Variants in DCK observed in about 807,000 individuals in gnomAD.
DCK encodes the protein deoxyadenosine kinase.
DCK carries 23 observed loss-of-function variants against 38.3 expected under a neutral mutation model. That is an observed-to-expected ratio of 0.60 (90% CI 0.43 to 0.85). The LOEUF (loss-of-function observed/expected upper bound fraction) is 0.85, where lower values mean the gene tolerates loss of function less well. Among genes scored for constraint, DCK ranks in the 40% least tolerant of loss-of-function variants. The pLI, the probability that DCK is intolerant of heterozygous loss-of-function variation, is 0.00. For synonymous variants in DCK, 108 were observed against 100.6 expected (o/e 1.07, Z -0.44); for missense variants, 259 against 304.4 (o/e 0.85, Z 1.11).
intron 6 of DCK, among the ~76,000 whole-genome samples, chr4:71,028,465 G>T (rs1740595108): frequency 6.6e-6 from 1 of 152,156 alleles, no homozygotes; most frequent in Non-Finnish European, 1.5e-5. Flanking sequence ...ATGATGGTGT[G>T]CACCTAGCCA....
intron 2 of DCK, among the ~76,000 whole-genome samples, chr4:71,013,344 T>C (rs1740153021): frequency 6.6e-6 from 1 of 152,186 alleles, no homozygotes; most frequent in African/African-American, 2.4e-5. Context: ...TTCAGGATAT[T>C]ATCCAGGAGA....
intron 4 of DCK, among the ~76,000 whole-genome samples, chr4:71,025,540 A>AT (rs1303411351): frequency 6.6e-6 from 1 of 152,006 alleles, no homozygotes; most frequent in Non-Finnish European, 1.5e-5. Context: ...TAGATGTTTA[A>AT]TTTTTTTCTC....
At chr4:70,998,851 C>T (rs1739720650) in intron 2 of DCK, among the ~76,000 whole-genome samples, 1 of 151,056 alleles carries the variant, frequency 6.6e-6, no homozygotes, top group South Asian at 2.1e-4. Context: ...TGAACCCAGG[C>T]AGCGGAGGTT....
intron 2 of DCK, 47 bp downstream of exon 2, chr4:70,998,229 A>T: frequency 2.3e-6 from 2 of 884,196 alleles, no homozygotes; most frequent in Non-Finnish European, 3.7e-6. Flanking sequence ...GGTTTAGAGG[A>T]GCAGTAGTAC....
rs561495003 is a variant in DCK, at chr4:71,021,738, A to G, written c.208-629A>G. 5.3e-5 allele frequency among the ~76,000 whole-genome samples: 8 copies of G among 152,264 alleles called. No homozygotes were observed. The South Asian group carries it at 1.7e-3, about 32-fold the overall frequency. ...CTGCTTGGTTTTTTCATTTTTAAAA[A>G]GAAGACGTAATCCCTGCACTTTGGG... is the stretch of plus-strand genomic sequence containing the variant. On this transcript the variant is annotated intron_variant, in intron 2 of 6. Transcript: ENST00000286648.
At chr4:71,028,533 A>G in intron 6 of DCK, 1 of 369,966 alleles carries the variant, frequency 2.7e-6, no homozygotes, top group Non-Finnish European at 5.3e-6. Context: ...TGGGTGACAG[A>G]GCAATAAATA....
intron 6 of DCK, among the ~76,000 whole-genome samples, 172 bp from the exon 7 acceptor site, chr4:71,029,180 C>T (rs999488899): frequency 2.6e-5 from 4 of 152,186 alleles, no homozygotes; most frequent in African/African-American, 9.6e-5. Flanking sequence ...AGGCATGAGC[C>T]GCTGCGCCCG....
chr4:70,999,918 A>G (rs956166499), intron 2 of DCK, among the ~76,000 whole-genome samples: 3 of 151,970 alleles, frequency 2.0e-5, no homozygotes. Flanking sequence ...GATTTTGGAT[A>G]TTAGCCCTTT....
chr4:71,013,427 C>T (rs1314795603), intron 2 of DCK, among the ~76,000 whole-genome samples: 2 of 152,158 alleles, frequency 1.3e-5, no homozygotes, highest in South Asian at 2.1e-4. Flanking sequence ...AGATACTCCT[C>T]GAGAAGAGCA....
In DCK at chr4:71,030,671, C is replaced by G. The variant is rs1038546171; in HGVS notation, c.*1293C>G. 1 of 151,822 alleles carries G rather than the reference C, an allele frequency of 6.6e-6. No homozygotes were observed. The highest frequency in any genetic ancestry group is 2.4e-5 in the African/African-American group (1 of 41,264). The allele number at this position is 151,822 out of a possible 1,614,324, so 9.4% of individuals were successfully genotyped here. The stretch of plus-strand genomic sequence containing the variant: ...TTATGAACTACAGTGGAGCTACACT[C>G]ATTGAAATGTAATTTCAGTTCTAAA... On this transcript the variant is annotated 3_prime_UTR_variant, in exon 7 of 7. Coordinates refer to ENST00000286648, the MANE Select transcript of DCK (RefSeq NM_000788.3).
At chr4:71,023,425 C>T in intron 3 of DCK, 134 bp from the exon 4 acceptor site, 1 of 600,642 alleles carries the variant, frequency 1.7e-6, no homozygotes, top group African/African-American at 1.9e-5. Flanking sequence ...TGGAAAGACT[C>T]TTGTCTTTTT....
chr4:71,002,071 G>C (rs368671214), intron 2 of DCK, among the ~76,000 whole-genome samples: 5 of 151,934 alleles, frequency 3.3e-5, no homozygotes, highest in East Asian at 1.9e-4. Flanking sequence ...TTAGGGTGTC[G>C]ATTTTAGATC....
Position 71,023,637 on chromosome 4 carries a change from C to G in DCK, c.480C>G (p.Asp160Glu). The G allele has an allele frequency of 6.2e-7, 1 of 1,613,106 alleles. No individual in the cohort carries two copies. Residue 160 changes from aspartate to glutamate, a missense_variant, in exon 4 of 7, where the codon GAC (aspartate) becomes GAG (glutamate). Around this residue, in one of 3 missense-constraint regions of DCK, gnomAD observed 18 missense variants for 41.6 expected, o/e 0.43. Transcript: ENST00000286648. ...GGACAATTTATCAAGACTGGCATGA[C>G]TGGATGAATAACCAATTTGGCCAAA... ...TEWTIYQDWH[D>E]WMNNQFGQSL...
In DCK at chr4:71,016,039, G is replaced by A. The variant is rs917873413; in HGVS notation, c.208-6328G>A. Among the ~76,000 whole-genome samples the A allele has an allele frequency of 7.6e-4, 116 of 152,238 alleles. 2 individuals are homozygous for A. The highest frequency in any genetic ancestry group is 1.1e-3 in the African/African-American group (47 of 41,528). On this transcript the variant is annotated intron_variant, in intron 2 of 6. Transcript: ENST00000286648. ...GATTGTATATTTAGAAAACCCCATC[G>A]TCTCAGCCCAAAATCTCCTTAAGCT...
chr4:71,022,323 A>G (rs745509510), intron 2 of DCK, 44 bp from the exon 3 acceptor site: 1 of 1,125,020 alleles, frequency 8.9e-7, no homozygotes, highest in Admixed American at 2.7e-5. Context: ...AGCCCTATTG[A>G]CCATTAATTT....
chr4:71,027,303 G>A (rs1458195697), intron 6 of DCK, among the ~76,000 whole-genome samples: 2 of 152,080 alleles, frequency 1.3e-5, no homozygotes, highest in Admixed American at 6.5e-5. Flanking sequence ...TTTCATTTGG[G>A]ATCATGTCAA....
intron 4 of DCK, among the ~76,000 whole-genome samples, chr4:71,024,851 A>AT (rs1326700824): frequency 6.6e-6 from 1 of 152,104 alleles, no homozygotes; most frequent in Admixed American, 6.5e-5. Context: ...TAATTTTGAA[A>AT]TTCACTTTTA....
chr4:71,003,264 T>G lies in DCK; in HGVS notation c.207+5082T>G, dbSNP rs573263649. Among the ~76,000 whole-genome samples the G allele has an allele frequency of 2.6e-5, 4 of 152,340 alleles. No homozygotes were observed. In the East Asian group the frequency reaches 7.7e-4, roughly 29 times the overall value. On this transcript the variant is annotated intron_variant, in intron 2 of 6. Coordinates refer to ENST00000286648, the MANE Select transcript of DCK (RefSeq NM_000788.3). ...ATTCTGGGTTGAAAATTCTTTTCTT[T>G]AAGAATGTTGAATGTTAGTCCCCAC...
intron 2 of DCK, among the ~76,000 whole-genome samples, chr4:71,017,308 G>A (rs573162595): frequency 2.0e-5 from 3 of 152,132 alleles, no homozygotes; most frequent in Non-Finnish European, 4.4e-5. Flanking sequence ...GTGGAGAAAT[G>A]GGAACACTTT....
Sources: gnomAD v4.1 joint callset for allele counts (sites outside exome capture counted in the v4.1 genomes callset) on GRCh38, gnomAD v4.1.1 for gene constraint, gnomAD v4.1.1 regional missense constraint, MANE v1.5 for transcripts, NCBI Gene and HGNC (gene_info 2026-07-23, HGNC 2026-07-21) for gene names.